TMCC3: variants seen among roughly 807,000 people sequenced by gnomAD.
The protein encoded by TMCC3 is transmembrane and coiled-coil domain protein 3.
Under a neutral mutation model 40.2 loss-of-function variants are expected in TMCC3, and 28 were observed. That is an observed-to-expected ratio of 0.70 (90% CI 0.52 to 0.95). The LOEUF is 0.95. Among genes scored for constraint, TMCC3 ranks in the 40% least tolerant of loss-of-function variants. The pLI is 0.00. For synonymous variants in TMCC3, 255 were observed against 248.5 expected (o/e 1.03, Z -0.25); for missense variants, 554 against 615.2 (o/e 0.90, Z 1.05).
intron 1 of TMCC3, among the ~76,000 whole-genome samples, chr12:94,605,787 G>A (rs2068779119): frequency 6.6e-6 from 1 of 151,998 alleles, no homozygotes; most frequent in Non-Finnish European, 1.5e-5. Context: ...CCTGAAGAGT[G>A]CAATGCCTTC....
At chr12:94,623,790 C>T (rs2068888793) in intron 1 of TMCC3, among the ~76,000 whole-genome samples, 1 of 152,254 alleles carries the variant, frequency 6.6e-6, no homozygotes, top group Non-Finnish European at 1.5e-5. Flanking sequence ...CAACCCTGGA[C>T]CTCATGGTGG....
In TMCC3 at chr12:94,571,663, T is replaced by C. The variant is rs201403390; in HGVS notation, c.1206A>G (p.Thr402=). 348 of 1,614,234 alleles carry C rather than the reference T, an allele frequency of 2.2e-4. 3 individuals are homozygous for C. The East Asian group carries it at 7.4e-3, about 35-fold the overall frequency. ...LHQQEQQALQ[T]DTVNAKVLLG... ...GGAGAACTTTAGCATTCACGGTGTC[T>C]GTCTGCAGAGCTTGCTGCTCTTGCT... The change falls in exon 4 of 4, where the codon ACA becomes ACG. Residue 402 remains threonine (T), a synonymous_variant. Coordinates refer to ENST00000261226, the MANE Select transcript of TMCC3 (RefSeq NM_020698.4).
Position 94,582,372 on chromosome 12 carries a change from A to C in TMCC3, c.245T>G (p.Ile82Arg). Reference sequence around the variant, plus strand: ...ATCGCGCGATGTTTGCTCAATTTTTATCTGCTCTGTTACCTTTAGAATTTT... The same window carrying C: ...ATCGCGCGATGTTTGCTCAATTTTTCTCTGCTCTGTTACCTTTAGAATTTT... The part of the protein sequence containing the change: ...KQKILKVTEQ[I>R]KIEQTSRDGN... Residue 82 changes from isoleucine (I) to arginine (R), a missense_variant, in exon 2 of 4, where the codon ATA becomes AGA. Transcript: ENST00000261226. 2 of 1,613,694 alleles carry C rather than the reference A, an allele frequency of 1.2e-6. No individual in the cohort carries two copies. The highest frequency in any genetic ancestry group is 1.7e-6 in the Non-Finnish European group (2 of 1,179,970).
Position 94,582,493 on chromosome 12 carries a change from G to A in TMCC3, c.124C>T (p.Arg42Cys), listed in dbSNP as rs141022844. ...MNTLSLPLNI[R>C]RGGSDTNLNF... is the part of the protein sequence containing the mutation. ...AGGTTGGTGTCTGACCCCCCTCGGC[G>A]TATGTTCAGGGGCAGGCTTAAGGTA... Residue 42 changes from arginine (R) to cysteine (C), a missense_variant, in exon 2 of 4, where the codon CGC becomes TGC. By Grantham distance (180) the Arg-to-Cys change is radical. Transcript: ENST00000261226. 1.1e-5 allele frequency: 17 copies of A among 1,613,504 alleles called. No individual in the cohort carries two copies. In the Admixed American group the frequency reaches 1.5e-4, roughly 14 times the overall value.
intron 1 of TMCC3, among the ~76,000 whole-genome samples, chr12:94,635,125 G>C (rs183664091): frequency 4.7e-4 from 71 of 152,296 alleles, no homozygotes; most frequent in African/African-American, 1.7e-3. Flanking sequence ...TAAGAATTAA[G>C]CCAAATAAGG....
chr12:94,633,796 T>G (rs2068945752), intron 1 of TMCC3, among the ~76,000 whole-genome samples: 1 of 152,200 alleles, frequency 6.6e-6, no homozygotes, highest in Non-Finnish European at 1.5e-5. Flanking sequence ...TTTTAAAGAA[T>G]TATTCACTAA....
chr12:94,649,600 AAAGGTATTCACCGGGGAGGGCG>A (rs1218658644), intron 1 of TMCC3, among the ~76,000 whole-genome samples: 20 of 152,244 alleles, frequency 1.3e-4, no homozygotes, highest in African/African-American at 4.8e-4. Context: ...CCGGGAGGGC[AAAGGTATTCACCGGGGAGGGCG>A]AAGGCTTCCT....
At chr12:94,594,693 G>A (rs1473613864) in intron 1 of TMCC3, among the ~76,000 whole-genome samples, 1 of 152,180 alleles carries the variant, frequency 6.6e-6, no homozygotes. Context: ...CCCTTAGTCA[G>A]AGAGCAGAGA....
chr12:94,618,119 A>C (rs1210651872), intron 1 of TMCC3, among the ~76,000 whole-genome samples: 1 of 152,248 alleles, frequency 6.6e-6, no homozygotes, highest in Non-Finnish European at 1.5e-5. Context: ...AAGATTTTTA[A>C]AACCAGACTG....
intron 1 of TMCC3, among the ~76,000 whole-genome samples, chr12:94,603,050 C>T (rs1293520559): frequency 6.6e-6 from 1 of 152,114 alleles, no homozygotes; most frequent in Non-Finnish European, 1.5e-5. Flanking sequence ...CACAGACCAA[C>T]TGACACAAAC....
intron 1 of TMCC3, among the ~76,000 whole-genome samples, chr12:94,649,092 T>C (rs926805816): frequency 5.9e-5 from 9 of 152,184 alleles, no homozygotes; most frequent in Non-Finnish European, 1.0e-4. Flanking sequence ...AATTGTAAGA[T>C]TGAGATGAGT....
chr12:94,592,076 G>A (rs1451945027), intron 1 of TMCC3, among the ~76,000 whole-genome samples: 1 of 152,172 alleles, frequency 6.6e-6, no homozygotes, highest in Non-Finnish European at 1.5e-5. Flanking sequence ...GTGTGCTGGA[G>A]GGGAAAAATC....
intron 1 of TMCC3, among the ~76,000 whole-genome samples, chr12:94,607,826 A>G (rs1281786328): frequency 6.6e-6 from 1 of 152,238 alleles, no homozygotes; most frequent in African/African-American, 2.4e-5. Context: ...TCGAAATGTT[A>G]GGGGACCATC....
intron 1 of TMCC3, among the ~76,000 whole-genome samples, chr12:94,642,048 C>T (rs1287305861): frequency 6.6e-6 from 1 of 151,986 alleles, no homozygotes; most frequent in Admixed American, 6.6e-5. Context: ...GGCCTAACAT[C>T]GTGTCATTCA....
At chr12:94,643,814 G>C (rs1195891859) in intron 1 of TMCC3, among the ~76,000 whole-genome samples, 2 of 152,244 alleles carry the variant, frequency 1.3e-5, no homozygotes, top group African/African-American at 4.8e-5. Context: ...GGCAGACAGG[G>C]AAGTGGTAAA....
At chr12:94,601,090 T>A (rs767539134) in intron 1 of TMCC3, among the ~76,000 whole-genome samples, 1 of 152,360 alleles carries the variant, frequency 6.6e-6, no homozygotes, top group East Asian at 1.9e-4. Context: ...ATACTACTTA[T>A]CTTTACTACA....
chr12:94,581,977 A>G lies in TMCC3; in HGVS notation c.640T>C (p.Phe214Leu). 6.2e-7 allele frequency: 1 copy of G among 1,614,212 alleles called. No individual in the cohort carries two copies. Among genetic ancestry groups the G allele is most frequent in the Non-Finnish European group, 8.5e-7 (1 of 1,180,032 alleles). ...TGAGCAATGTTGTCGGCGCTGCCAA[A>G]CTTATTCCGGATCAGGTTGGCAAAC... Reference protein sequence around the residue: ...REFANLIRNKFGSADNIAHLK... With the variant: ...REFANLIRNKLGSADNIAHLK... The change falls in exon 2 of 4, where the codon TTT becomes CTT. Residue 214 changes from phenylalanine to leucine, a missense_variant. Phe to Leu is a conservative substitution (Grantham distance 22, BLOSUM62 0). Transcript: ENST00000261226.
chr12:94,640,454 G>A (rs980206512), intron 1 of TMCC3, among the ~76,000 whole-genome samples: 1 of 152,222 alleles, frequency 6.6e-6, no homozygotes, highest in Non-Finnish European at 1.5e-5. Context: ...ACAGTGCTGG[G>A]AATACAGGCG....
intron 1 of TMCC3, among the ~76,000 whole-genome samples, chr12:94,603,240 A>T (rs958704668): frequency 5.3e-5 from 8 of 152,060 alleles, no homozygotes; most frequent in African/African-American, 1.7e-4. Context: ...GTGCACCACC[A>T]CGCCTGGCTA....
Sources: allele counts gnomAD v4.1 joint callset (sites outside exome capture counted in the v4.1 genomes callset), GRCh38; gene constraint gnomAD v4.1.1; transcripts MANE v1.5; gene names NCBI Gene and HGNC (gene_info 2026-07-23, HGNC 2026-07-21).